RBFOX1: variants seen among roughly 807,000 people sequenced by gnomAD.
RBFOX1 encodes the protein RNA binding protein fox-1 homolog 1.
A neutral mutation model predicts 57.7 loss-of-function variants in RBFOX1; 8 were observed. That is an observed-to-expected ratio of 0.14 (90% CI 0.08 to 0.25). The LOEUF is 0.25. Among genes scored for constraint, RBFOX1 ranks in the 10% least tolerant of loss-of-function variants. The probability of loss-of-function intolerance (pLI) is 1.00; values close to 1 mark genes in which losing one functional copy is unlikely to be tolerated. For synonymous variants in RBFOX1, 326 were observed against 222.4 expected (o/e 1.47, Z -4.15); for missense variants, 611 against 548.5 (o/e 1.11, Z -1.14).
chr16:6,901,317 G>A (rs7200840), intron 3 of RBFOX1, among the ~76,000 whole-genome samples: 4 of 152,094 alleles, frequency 2.6e-5, no homozygotes, highest in Non-Finnish European at 5.9e-5. Flanking sequence ...TTAGCAACAC[G>A]GCAAGTCAAC....
In RBFOX1 at chr16:7,029,128, GTATA is replaced by G. The variant is rs550570721; in HGVS notation, c.-15-22921_-15-22918del. Among the ~76,000 whole-genome samples the G allele has an allele frequency of 5.3e-3, 249 of 46,810 alleles. 22 individuals carry two copies. The highest frequency in any genetic ancestry group is 0.022 in the African/African-American group (232 of 10,338). 30.7% of individuals were successfully genotyped at this position (46,810 alleles called of 152,430 possible). ...CACACACACACACACACACATATACGTATATATATATGTGTATATATGTATATAT... is the reference window on the plus strand; with the variant it reads ...CACACACACACACACACACATATACGTATATATGTGTATATATGTATATAT... On this transcript the variant is annotated intron_variant, in intron 3 of 15. Transcript: ENST00000550418.
intron 4 of RBFOX1, among the ~76,000 whole-genome samples, chr16:7,114,866 C>T (rs897411586): frequency 1.3e-5 from 2 of 152,172 alleles, no homozygotes; most frequent in Admixed American, 6.5e-5. Context: ...GAAATACACA[C>T]TGTGTGTTGC....
chr16:6,219,641 G>A (rs780077573), intron 1 of RBFOX1, among the ~76,000 whole-genome samples: 4 of 152,104 alleles, frequency 2.6e-5, no homozygotes, highest in African/African-American at 7.2e-5. Flanking sequence ...TTGGGAGGCC[G>A]AGGTGGGCAG....
intron 1 of RBFOX1, among the ~76,000 whole-genome samples, chr16:5,439,068 T>G (rs1271434908): frequency 2.6e-5 from 4 of 151,720 alleles, no homozygotes; most frequent in African/African-American, 9.7e-5. Context: ...TTTGGGAGGC[T>G]TTTCTGGGGA....
chr16:5,532,115 T>C lies in RBFOX1; in HGVS notation c.258+64861T>C, dbSNP rs2044502780. On this transcript the variant is annotated intron_variant, in intron 2 of 2. Transcript: ENST00000585867. ...TGCGTGACTGTCAAGTTCTTCTTGA[T>C]CAGGGCTTCCCAACCTCAACACTAT... Among the ~76,000 whole-genome samples, 3 of 152,146 alleles carry C rather than the reference T, an allele frequency of 2.0e-5. No individual in the cohort carries two copies. The South Asian group carries it at 6.2e-4, about 31-fold the overall frequency.
At chr16:5,324,231 G>A (rs1469468226) in intron 1 of RBFOX1, among the ~76,000 whole-genome samples, 1 of 152,344 alleles carries the variant, frequency 6.6e-6, no homozygotes, top group South Asian at 2.1e-4. Flanking sequence ...GGGAGGCCAA[G>A]GCAGGTGGAT....
Position 6,493,363 on chromosome 16 carries a change from A to G in RBFOX1, c.-63-161240A>G, listed in dbSNP as rs1055443391. 9.2e-5 allele frequency among the ~76,000 whole-genome samples: 14 copies of G among 152,124 alleles called. No individual in the cohort carries two copies. The South Asian group carries it at 1.7e-3, about 18-fold the overall frequency. On this transcript the variant is annotated intron_variant, in intron 2 of 15. Coordinates refer to ENST00000550418, the MANE Select transcript of RBFOX1 (RefSeq NM_018723.4). ...AGTAATGGTTTGACCACAGAAGAAA[A>G]TCAAATTTCCCTGTTGCTGTACACA...
At chr16:6,991,056 C>G (rs28485766) in intron 3 of RBFOX1, among the ~76,000 whole-genome samples, 1 of 140,296 alleles carries the variant, frequency 7.1e-6, no homozygotes, top group East Asian at 2.1e-4. Flanking sequence ...AATTCCAGTA[C>G]GTTGGGAGGC....
At chr16:7,552,828 T>A (rs903006975) in intron 5 of RBFOX1, among the ~76,000 whole-genome samples, 1 of 152,030 alleles carries the variant, frequency 6.6e-6, no homozygotes, top group African/African-American at 2.4e-5. Flanking sequence ...GATTACAGTT[T>A]CCTGCCACAA....
chr16:6,853,046 A>T (rs1041111386), intron 3 of RBFOX1, among the ~76,000 whole-genome samples: 1 of 152,152 alleles, frequency 6.6e-6, no homozygotes, highest in Non-Finnish European at 1.5e-5. Flanking sequence ...GCTTATTGCC[A>T]GGCAACCCAG....
At chr16:7,297,762 C>A (rs780498638) in intron 4 of RBFOX1, among the ~76,000 whole-genome samples, 3 of 152,078 alleles carry the variant, frequency 2.0e-5, no homozygotes, top group South Asian at 2.1e-4. Flanking sequence ...AATACACAGA[C>A]ACATTCTTAT....
intron 1 of RBFOX1, among the ~76,000 whole-genome samples, chr16:5,264,010 C>T (rs560287800): frequency 6.6e-6 from 1 of 152,162 alleles, no homozygotes; most frequent in African/African-American, 2.4e-5. Context: ...TGGAGATTTT[C>T]CAGGTGGGTG....
chr16:6,744,901 G>T (rs118041492), intron 3 of RBFOX1, among the ~76,000 whole-genome samples: 7 of 151,972 alleles, frequency 4.6e-5, no homozygotes, highest in Non-Finnish European at 8.8e-5. Flanking sequence ...CCAAAAGCTG[G>T]TGTTTTGAGA....
intron 3 of RBFOX1, among the ~76,000 whole-genome samples, chr16:6,671,475 A>G: frequency 6.6e-6 from 1 of 152,228 alleles, no homozygotes; most frequent in East Asian, 1.9e-4. Context: ...AGAAAGTAAG[A>G]CATAATAGAA....
intron 1 of RBFOX1, among the ~76,000 whole-genome samples, chr16:6,197,011 GA>G (rs754787306): frequency 6.6e-6 from 1 of 152,132 alleles, no homozygotes; most frequent in Non-Finnish European, 1.5e-5. Context: ...TAAAAAAGAA[GA>G]AAGACATATA....
chr16:7,344,806 C>G (rs992173313), intron 4 of RBFOX1, among the ~76,000 whole-genome samples: 6 of 152,224 alleles, frequency 3.9e-5, no homozygotes, highest in African/African-American at 1.4e-4. Context: ...GCAGACCACA[C>G]AATTCTGCAA....
At chr16:6,455,785 A>C (rs1032176582) in intron 2 of RBFOX1, among the ~76,000 whole-genome samples, 2 of 152,146 alleles carry the variant, frequency 1.3e-5, no homozygotes, top group Non-Finnish European at 2.9e-5. Flanking sequence ...CCTTTATTCA[A>C]TCTCTAGTTC....
chr16:6,153,038 T>TG (rs1263960579), intron 1 of RBFOX1, among the ~76,000 whole-genome samples: 1 of 151,102 alleles, frequency 6.6e-6, no homozygotes, highest in Non-Finnish European at 1.5e-5. Context: ...TTTCTGTTTT[T>TG]TTTTTTTTTT....
chr16:6,866,769 C>G (rs553917157), intron 3 of RBFOX1, among the ~76,000 whole-genome samples: 2 of 151,828 alleles, frequency 1.3e-5, no homozygotes, highest in East Asian at 1.9e-4. Flanking sequence ...GTCTCGATCT[C>G]CTGACCTCGT....
Sources: allele counts gnomAD v4.1 joint callset (sites outside exome capture counted in the v4.1 genomes callset), GRCh38; gene constraint gnomAD v4.1.1; transcripts MANE v1.5; gene names NCBI Gene and HGNC (gene_info 2026-07-23, HGNC 2026-07-21).